The following NEMF variants were observed in gnomAD, a reference collection of about 807,000 sequenced individuals.
NEMF encodes the protein ribosome quality control complex subunit NEMF.
A neutral mutation model predicts 162.2 loss-of-function variants in NEMF; 89 were observed. The observed-to-expected ratio is 0.55, with a 90% CI of 0.46 to 0.65. NEMF has a LOEUF of 0.65. Ranked by LOEUF, NEMF falls within the 30% of genes least tolerant of loss-of-function variation. NEMF has a pLI of 0.00. For synonymous variants in NEMF, 421 were observed against 404.5 expected, an observed-to-expected ratio of 1.04 and a Z score of -0.49; for missense variants, 1,133 against 1,261.9, an observed-to-expected ratio of 0.90 and a Z score of 1.55.
Position 49,829,479 on chromosome 14 carries a change from C to T in NEMF, c.946-53G>A. On this transcript the variant is annotated intron_variant, in intron 11 of 32. Coordinates refer to ENST00000298310, the MANE Select transcript of NEMF (RefSeq NM_004713.6). The stretch of plus-strand genomic sequence containing the variant: ...AAATTAGATTTCTCCTACCTCATGA[C>T]ATCCCTCTCTTACTTCCCAACACTC... 2.1e-6 allele frequency: 3 copies of T among 1,404,306 alleles called. No homozygotes were observed. The South Asian group carries it at 3.6e-5, about 17-fold the overall frequency. 87.0% of individuals were successfully genotyped at this position (1,404,306 alleles called of 1,614,324 possible).
At chr14:49,815,731 A>G (rs1321378467) in intron 16 of NEMF, among the ~76,000 whole-genome samples, 2 of 152,146 alleles carry the variant, frequency 1.3e-5, no homozygotes, top group Admixed American at 6.5e-5. Flanking sequence ...TCGAGAGGCC[A>G]AGGTGGGCGG....
intron 6 of NEMF, 21 bp downstream of exon 6, chr14:49,838,118 G>A: frequency 6.3e-7 from 1 of 1,580,838 alleles, no homozygotes; most frequent in Non-Finnish European, 8.7e-7. Flanking sequence ...ACATTTCACT[G>A]CTATTTGCAG....
chr14:49,830,605 G>A (rs1892585962), intron 11 of NEMF, among the ~76,000 whole-genome samples: 1 of 152,288 alleles, frequency 6.6e-6, no homozygotes, highest in South Asian at 2.1e-4. Flanking sequence ...GGCTGTTCTT[G>A]AACTCCTGAC....
chr14:49,846,143 A>G lies in NEMF; in HGVS notation c.354T>C (p.Asp118=), dbSNP rs750514835. Reference sequence around the variant, plus strand: ...ATATCCCACAAATTTAACTTACCCTATCATAGAGCTCAATGATTAAATGGT... The same window carrying G: ...ATATCCCACAAATTTAACTTACCCTGTCATAGAGCTCAATGATTAAATGGT... The part of the protein sequence containing the change: ...AAYHLIIELY[D]RGNIVLTDYE... The change falls in exon 4 of 33, where the codon GAT becomes GAC. Residue 118 remains aspartate (D), a synonymous_variant. Coordinates refer to ENST00000298310, the MANE Select transcript of NEMF (RefSeq NM_004713.6). 6.2e-7 allele frequency: 1 copy of G among 1,612,952 alleles called. No individual in the cohort carries two copies. The highest frequency in any genetic ancestry group is 1.3e-5 in the African/African-American group (1 of 74,904).
rs1889932989 is a variant in NEMF at position 49,782,158 on chromosome 14, G to A, written c.*2478C>T. ...TTCAAACTCCTCATTGCATAAATGA[G>A]AACGACCAGAGAGAGAAAATAATAT... On this transcript the variant is annotated 3_prime_UTR_variant, in exon 33 of 33. Coordinates refer to ENST00000298310, the MANE Select transcript of NEMF (RefSeq NM_004713.6). 7.8e-6 allele frequency: 4 copies of A among 515,940 alleles called. No individual in the cohort carries two copies. Among genetic ancestry groups the A allele is most frequent in the Admixed American group, 3.7e-5 (1 of 27,106 alleles). 32.0% of individuals were successfully genotyped at this position (515,940 alleles called of 1,614,324 possible).
chr14:49,789,151 C>T lies in NEMF; in HGVS notation c.2890G>A (p.Asp964Asn), dbSNP rs774722348. The change falls in exon 28 of 33, where the codon GAC becomes AAC. Residue 964 changes from aspartate to asparagine, a missense_variant. By Grantham distance (23) the Asp-to-Asn change is conservative. Around this residue, in one of 3 missense-constraint regions of NEMF, gnomAD observed 532 missense variants for 578.6 expected, o/e 0.92. Coordinates refer to ENST00000298310, the MANE Select transcript of NEMF (RefSeq NM_004713.6). ...QDFAVDDPHD[D>N]KEEQDLDQQG... ...AGCCCACAAAGTAGCCATACCTTGT[C>T]ATCATGTGGATCATCTACAGCAAAG... 7 of 1,613,570 alleles carry T rather than the reference C, an allele frequency of 4.3e-6. No individual in the cohort carries two copies. The highest frequency in any genetic ancestry group is 5.9e-6 in the Non-Finnish European group (7 of 1,179,554).
At chr14:49,798,774 G>C (rs967398063) in intron 25 of NEMF, among the ~76,000 whole-genome samples, 2 of 152,138 alleles carry the variant, frequency 1.3e-5, no homozygotes, top group Non-Finnish European at 2.9e-5. Context: ...GGGCATGGTG[G>C]TGGGCGCCTC....
intron 15 of NEMF, among the ~76,000 whole-genome samples, chr14:49,827,491 CT>C (rs1212446744): frequency 6.6e-6 from 1 of 152,022 alleles, no homozygotes; most frequent in African/African-American, 2.4e-5. Flanking sequence ...CCAGTCTTCA[CT>C]TTTGATTCAA....
At chr14:49,789,839 A>C (rs1486905509) in intron 26 of NEMF, among the ~76,000 whole-genome samples, 2 of 152,246 alleles carry the variant, frequency 1.3e-5, no homozygotes, top group African/African-American at 4.8e-5. Context: ...AAATAAAGTA[A>C]AACAGTATTG....
intron 16 of NEMF, chr14:49,818,498 T>C (rs1429519061): frequency 1.3e-5 from 2 of 152,074 alleles, no homozygotes; most frequent in African/African-American, 4.8e-5. Context: ...GCACAAACAC[T>C]TAAGGAAATA....
At chr14:49,811,855 G>T (rs1160653454) in intron 18 of NEMF, among the ~76,000 whole-genome samples, 4 of 152,118 alleles carry the variant, frequency 2.6e-5, no homozygotes, top group Non-Finnish European at 5.9e-5. Flanking sequence ...TTTTGTCAAA[G>T]ATTTTTGTCT....
chr14:49,814,910 A>C (rs1176906031), intron 16 of NEMF, 53 bp from the exon 17 acceptor site: 1 of 1,032,070 alleles, frequency 9.7e-7, no homozygotes, highest in Non-Finnish European at 1.4e-6. Flanking sequence ...GCCTGAATTC[A>C]TACCCTTTTT....
intron 3 of NEMF, among the ~76,000 whole-genome samples, chr14:49,847,199 A>AT (rs1893547174): frequency 6.7e-6 from 1 of 150,210 alleles, no homozygotes; most frequent in Admixed American, 6.7e-5. Flanking sequence ...TTACTTATTT[A>AT]TTTATTTATT....
chr14:49,844,359 G>A (rs1170608457), intron 4 of NEMF, among the ~76,000 whole-genome samples: 1 of 152,222 alleles, frequency 6.6e-6, no homozygotes, highest in Non-Finnish European at 1.5e-5. Context: ...ACAGGAGGCA[G>A]AGCTCAGGTG....
intron 4 of NEMF, among the ~76,000 whole-genome samples, chr14:49,842,684 T>C (rs112055590): frequency 1.3e-5 from 2 of 152,348 alleles, no homozygotes; most frequent in African/African-American, 2.4e-5. Context: ...GTTAGAGAGA[T>C]AGATAACCAG....
chr14:49,832,256 C>T lies in NEMF; in HGVS notation c.757G>A (p.Glu253Lys), dbSNP rs537007186. The T allele has an allele frequency of 1.0e-5, 16 of 1,604,048 alleles. No individual in the cohort carries two copies. The East Asian group carries it at 3.6e-4, about 36-fold the overall frequency. The part of the protein sequence containing the change: ...SGKGYIIQKR[E>K]IKPSLEADKP... Reference sequence around the variant, plus strand: ...TCTGCTTCCAAGCTTGGTTTTATTTCTCTTTTCTGAATGATATATCCCTAC... The same window carrying T: ...TCTGCTTCCAAGCTTGGTTTTATTTTTCTTTTCTGAATGATATATCCCTAC... The change falls in exon 9 of 33, where the codon GAA becomes AAA. Residue 253 changes from glutamate to lysine, a missense_variant. Physicochemically the swap from Glu to Lys is moderately conservative, Grantham distance 56. Transcript: ENST00000298310.
intron 26 of NEMF, among the ~76,000 whole-genome samples, chr14:49,791,218 C>A (rs1164114329): frequency 6.6e-6 from 1 of 151,890 alleles, no homozygotes; most frequent in African/African-American, 2.4e-5. Context: ...GCCTGTAGTG[C>A]CAGCTACTCA....
At chr14:49,820,102 C>G (rs1891928077) in intron 16 of NEMF, 1 of 227,586 alleles carries the variant, frequency 4.4e-6, no homozygotes, top group Non-Finnish European at 8.8e-6. Flanking sequence ...CAGGCACAAG[C>G]CACCACACCT....
At chr14:49,805,920 G>T in intron 19 of NEMF, 101 bp downstream of exon 19, 1 of 593,082 alleles carries the variant, frequency 1.7e-6, no homozygotes. Context: ...AAAAGAGTTA[G>T]CTCTATTGAG....
Sources: gnomAD v4.1 joint callset for allele counts (sites outside exome capture counted in the v4.1 genomes callset) on GRCh38, gnomAD v4.1.1 for gene constraint, gnomAD v4.1.1 regional missense constraint, MANE v1.5 for transcripts, NCBI Gene and HGNC (gene_info 2026-07-23, HGNC 2026-07-21) for gene names.